Variants in ERC2 observed in about 807,000 individuals in gnomAD.
ERC2 encodes ELKS/RAB6-interacting/CAST family member 2, also known as ERC protein 2.
A neutral mutation model predicts 114.8 loss-of-function variants in ERC2; 42 were observed. That is an observed-to-expected ratio of 0.37 (90% CI 0.29 to 0.47). The LOEUF (loss-of-function observed/expected upper bound fraction) is 0.47. Among genes scored for constraint, ERC2 ranks in the 20% least tolerant of loss-of-function variants. The probability of loss-of-function intolerance (pLI) is 0.99; values close to 1 mark genes in which losing one functional copy is unlikely to be tolerated. For synonymous variants in ERC2, 454 were observed against 425.5 expected (o/e 1.07, Z -0.82); for missense variants, 939 against 1,150.7 (o/e 0.82, Z 2.66).
intron 2 of ERC2, among the ~76,000 whole-genome samples, chr3:56,366,520 C>T (rs960460070): frequency 2.6e-5 from 4 of 152,180 alleles, no homozygotes; most frequent in Non-Finnish European, 5.9e-5. Flanking sequence ...TCTGTGACAA[C>T]GTGGTAAGTT....
rs151307076 is a variant in ERC2 at position 55,866,064 on chromosome 3, C to T, written c.2564+22325G>A. Among the ~76,000 whole-genome samples the T allele has an allele frequency of 3.9e-5, 6 of 152,262 alleles. No homozygotes were observed. In the East Asian group the frequency reaches 9.7e-4, roughly 25 times the overall value. ...CAAAGTGGCCGCACCATTTTACAGT[C>T]CTACTGGCAAATGTATGAGGTTTAC... On this transcript the variant is annotated intron_variant, in intron 14 of 17. Coordinates refer to ENST00000288221, the MANE Select transcript of ERC2 (RefSeq NM_015576.3).
intron 14 of ERC2, among the ~76,000 whole-genome samples, chr3:55,751,492 T>C (rs367871066): frequency 1.1e-4 from 17 of 152,212 alleles, no homozygotes; most frequent in African/African-American, 3.9e-4. Context: ...GTTCATTTTG[T>C]TGGATTTTAG....
At chr3:56,173,691 T>C in intron 3 of ERC2, 171 bp from the exon 4 acceptor site, 1 of 567,124 alleles carries the variant, frequency 1.8e-6, no homozygotes, top group South Asian at 2.4e-5. Context: ...GCCTGGAGCC[T>C]GCGTTCCGGT....
chr3:56,436,824 G>T, intron 1 of ERC2, among the ~76,000 whole-genome samples: 1 of 152,190 alleles, frequency 6.6e-6, no homozygotes, highest in East Asian at 1.9e-4. Flanking sequence ...TGTGGAAAGG[G>T]CCTCCCTGAG....
At chr3:55,764,978 T>G (rs2067678526) in intron 14 of ERC2, among the ~76,000 whole-genome samples, 1 of 152,192 alleles carries the variant, frequency 6.6e-6, no homozygotes. Context: ...TATACAGCTC[T>G]TCAACTCTGT....
intron 9 of ERC2, among the ~76,000 whole-genome samples, chr3:56,009,183 C>T (rs2072724967): frequency 6.6e-6 from 1 of 152,134 alleles, no homozygotes; most frequent in African/African-American, 2.4e-5. Context: ...TTTTAAGGTG[C>T]AAACCGACAA....
At chr3:55,955,756 G>GTAGATGCATGTT (rs1201657049) in intron 12 of ERC2, among the ~76,000 whole-genome samples, 14 of 152,180 alleles carry the variant, frequency 9.2e-5, no homozygotes, top group Admixed American at 9.2e-4. Flanking sequence ...GGACAAATAA[G>GTAGATGCATGTT]TAGATGCATG....
Position 55,949,064 on chromosome 3 carries a change from G to A in ERC2, c.2403+1361C>T, listed in dbSNP as rs74416145. On this transcript the variant is annotated intron_variant, in intron 13 of 17. Coordinates refer to ENST00000288221, the MANE Select transcript of ERC2 (RefSeq NM_015576.3). ...GCAAGGTGAGCCCTAAGGTCAGGTC[G>A]TCTTTAAAGTTCTGGGCCCACCTGG... Among the ~76,000 whole-genome samples, 526 of 152,180 alleles carry A rather than the reference G, an allele frequency of 3.5e-3. 3 individuals are homozygous for A. Among genetic ancestry groups the A allele is most frequent in the African/African-American group, 0.012 (502 of 41,534 alleles).
intron 17 of ERC2, among the ~76,000 whole-genome samples, chr3:55,627,083 T>C (rs572802854): frequency 6.6e-6 from 1 of 152,370 alleles, no homozygotes; most frequent in African/African-American, 2.4e-5. Flanking sequence ...TAAATTATTT[T>C]CAGTGGATAA....
intron 17 of ERC2, among the ~76,000 whole-genome samples, chr3:55,631,705 T>C (rs2059764396): frequency 6.6e-6 from 1 of 152,090 alleles, no homozygotes; most frequent in Admixed American, 6.6e-5. Flanking sequence ...TGGACAGCTT[T>C]TGGCCAGCCA....
At chr3:56,254,709 T>TG (rs2052402018) in intron 3 of ERC2, among the ~76,000 whole-genome samples, 1 of 152,240 alleles carries the variant, frequency 6.6e-6, no homozygotes, top group Non-Finnish European at 1.5e-5. Context: ...CTATCAGTTG[T>TG]GTCACCTTGG....
chr3:55,753,664 G>A (rs149146106), intron 14 of ERC2, among the ~76,000 whole-genome samples: 1 of 152,310 alleles, frequency 6.6e-6, no homozygotes, highest in Non-Finnish European at 1.5e-5. Flanking sequence ...ATTTCACTGG[G>A]GCAAACATAA....
intron 1 of ERC2, among the ~76,000 whole-genome samples, chr3:56,444,979 T>C: frequency 6.6e-6 from 1 of 152,246 alleles, no homozygotes; most frequent in East Asian, 1.9e-4. Flanking sequence ...AGCCAGATGT[T>C]ACCTGCAGAT....
intron 13 of ERC2, among the ~76,000 whole-genome samples, chr3:55,920,148 C>T (rs2065333062): frequency 6.6e-6 from 1 of 151,836 alleles, no homozygotes; most frequent in African/African-American, 2.4e-5. Flanking sequence ...AATGGAGATA[C>T]ATGGAATCAG....
chr3:56,365,010 A>G (rs189470138), intron 2 of ERC2, among the ~76,000 whole-genome samples: 1 of 152,238 alleles, frequency 6.6e-6, no homozygotes, highest in Non-Finnish European at 1.5e-5. Flanking sequence ...ACAATGGGAT[A>G]ATAATGTTAT....
chr3:56,154,870 A>G (rs921402496), intron 4 of ERC2, among the ~76,000 whole-genome samples: 1 of 152,168 alleles, frequency 6.6e-6, no homozygotes, highest in South Asian at 2.1e-4. Flanking sequence ...TCATAAGCCA[A>G]AAACAATGTA....
Position 55,784,583 on chromosome 3 carries a change from C to T in ERC2, c.2565-49665G>A, listed in dbSNP as rs138544642. Among the ~76,000 whole-genome samples the T allele has an allele frequency of 5.9e-5, 9 of 152,228 alleles. No homozygotes were observed. In the South Asian group the frequency reaches 1.2e-3, roughly 21 times the overall value. ...CATGGTTTGGCCAGTGTTTTGAGTA[C>T]GTCTCTTAACGTGAACAGTTTAGAG... is the stretch of plus-strand genomic sequence containing the variant. On this transcript the variant is annotated intron_variant, in intron 14 of 17. Transcript: ENST00000288221.
At chr3:56,168,156 G>A (rs1251850391) in intron 4 of ERC2, among the ~76,000 whole-genome samples, 4 of 152,168 alleles carry the variant, frequency 2.6e-5, no homozygotes, top group Non-Finnish European at 4.4e-5. Flanking sequence ...GCAGGACCAT[G>A]GGCAGGTTGC....
chr3:55,786,799 T>G (rs1575597309), intron 14 of ERC2, among the ~76,000 whole-genome samples: 2 of 151,904 alleles, frequency 1.3e-5, no homozygotes, highest in Non-Finnish European at 2.9e-5. Context: ...GGAGGATGAG[T>G]TGAGTGAGCT....
Sources: allele counts gnomAD v4.1 joint callset (sites outside exome capture counted in the v4.1 genomes callset), GRCh38; gene constraint gnomAD v4.1.1; transcripts MANE v1.5; gene names NCBI Gene and HGNC (gene_info 2026-07-23, HGNC 2026-07-21).